RPH3A: variants seen among roughly 807,000 people sequenced by gnomAD.
The protein encoded by RPH3A is rabphilin 3A.
A neutral mutation model predicts 102.2 loss-of-function variants in RPH3A; 48 were observed. That is an observed-to-expected ratio of 0.47 (90% confidence interval 0.37 to 0.60). RPH3A has a LOEUF of 0.60. Among genes scored for constraint, RPH3A ranks in the 20% least tolerant of loss-of-function variants. The probability of loss-of-function intolerance (pLI) is 0.00; values close to 1 mark genes in which losing one functional copy is unlikely to be tolerated. For missense variants in RPH3A, 781 were observed against 910.1 expected (o/e 0.86, Z 1.83); for synonymous variants, 310 against 324.3 (o/e 0.96, Z 0.47).
intron 1 of RPH3A, among the ~76,000 whole-genome samples, chr12:112,657,526 CA>C (rs1473519973): frequency 1.3e-5 from 2 of 152,004 alleles, no homozygotes; most frequent in African/African-American, 2.4e-5. Context: ...TTGATTAGAC[CA>C]ACATCACCGC....
rs1555209147 is a variant in RPH3A, at chr12:112,791,867, G to GGGGAGAGAGAGAGAGAGAGAGAGAGA, written c.-284_-283insGGAGAGAGAGAGAGAGAGAGAGAGAG. 4.3e-4 allele frequency: 21 copies of GGGGAGAGAGAGAGAGAGAGAGAGAGA among 48,506 alleles called. 1 individual carries two copies. The highest frequency in any genetic ancestry group is 1.9e-3 in the African/African-American group (20 of 10,428). 3.0% of individuals were successfully genotyped at this position (48,506 alleles called of 1,614,324 possible). A position where few individuals can be genotyped will look rare whatever the true frequency, so the allele number is the denominator to read the frequency against. On this transcript the variant is annotated 5_prime_UTR_variant, in exon 1 of 22. Transcript: ENST00000389385. ...CGCGGACTGGAAAGGAAGGGAGAAG[G>GGGGAGAGAGAGAGAGAGAGAGAGAGA]GAGAGAGAGAGAGAGAGAGAGAGAG...
chr12:112,673,415 CA>C (rs1006726061), intron 1 of RPH3A, among the ~76,000 whole-genome samples: 4 of 152,074 alleles, frequency 2.6e-5, no homozygotes, highest in African/African-American at 9.7e-5. Context: ...ACTGTAACCT[CA>C]AACTCCTCAG....
intron 4 of RPH3A, among the ~76,000 whole-genome samples, chr12:112,841,424 C>G (rs1176800941): frequency 6.6e-6 from 1 of 152,050 alleles, no homozygotes; most frequent in Non-Finnish European, 1.5e-5. Context: ...GACATCCCTC[C>G]TGGAGTCGGC....
Position 112,896,805 on chromosome 12 carries a change from A to C in RPH3A, c.*25A>C, listed in dbSNP as rs1429963608. Reference sequence around the variant, plus strand: ...GGCTAGTGCCCAGGTCCCCATCTCCATGTCCCGGGTCCCCCCCAGCCTGCT... The same window carrying C: ...GGCTAGTGCCCAGGTCCCCATCTCCCTGTCCCGGGTCCCCCCCAGCCTGCT... On this transcript the variant is annotated 3_prime_UTR_variant, in exon 22 of 22. Transcript: ENST00000389385. The C allele has an allele frequency of 1.9e-6, 3 of 1,612,726 alleles. No homozygotes were observed. In the East Asian group the frequency reaches 6.7e-5, roughly 36 times the overall value.
intron 1 of RPH3A, among the ~76,000 whole-genome samples, chr12:112,709,947 C>T (rs2040448736): frequency 6.6e-6 from 1 of 152,076 alleles, no homozygotes; most frequent in Non-Finnish European, 1.5e-5. Context: ...TTTGTAGCTT[C>T]CCCAGGCCCT....
At chr12:112,636,012 TA>T (rs113676885) in intron 1 of RPH3A, among the ~76,000 whole-genome samples, 27 of 151,686 alleles carry the variant, frequency 1.8e-4, no homozygotes, top group African/African-American at 4.6e-4. Flanking sequence ...AAACATTTAA[TA>T]AAAAAAAATC....
intron 1 of RPH3A, among the ~76,000 whole-genome samples, chr12:112,608,150 C>G (rs1304066060): frequency 6.7e-6 from 1 of 149,202 alleles, no homozygotes; most frequent in Non-Finnish European, 1.5e-5. Flanking sequence ...GAGTTGCGCT[C>G]TGTTTCCCAG....
chr12:112,741,878 C>A (rs1374806271), intron 1 of RPH3A, among the ~76,000 whole-genome samples: 1 of 152,150 alleles, frequency 6.6e-6, no homozygotes. Flanking sequence ...ATGGGGTTAG[C>A]GATTGTGCCT....
Position 112,880,127 on chromosome 12 carries a change from A to G in RPH3A, c.1251+929A>G, listed in dbSNP as rs555002708. Among the ~76,000 whole-genome samples the G allele has an allele frequency of 5.3e-5, 8 of 152,324 alleles. No individual in the cohort carries two copies. In the East Asian group the frequency reaches 1.5e-3, roughly 29 times the overall value. ...CTTAACACAACTCTTAGACCAACAC[A>G]TTCCTTTGCCCAAGTCACTTTTTTA... is the stretch of plus-strand genomic sequence containing the variant. On this transcript the variant is annotated intron_variant, in intron 14 of 21. Coordinates refer to ENST00000389385, the MANE Select transcript of RPH3A (RefSeq NM_001143854.2).
chr12:112,635,731 C>A (rs993026174), intron 1 of RPH3A, among the ~76,000 whole-genome samples: 3 of 152,108 alleles, frequency 2.0e-5, no homozygotes, highest in African/African-American at 7.2e-5. Flanking sequence ...GTAAGGAGGA[C>A]AGAGCTCCAT....
At chr12:112,795,416 T>C (rs1190531887) in intron 2 of RPH3A, among the ~76,000 whole-genome samples, 1 of 152,212 alleles carries the variant, frequency 6.6e-6, no homozygotes, top group East Asian at 1.9e-4. Flanking sequence ...TTTTAAATAA[T>C]TCAGCTGCCA....
chr12:112,688,445 A>G (rs1338650625), intron 1 of RPH3A, among the ~76,000 whole-genome samples: 1 of 152,144 alleles, frequency 6.6e-6, no homozygotes, highest in South Asian at 2.1e-4. Context: ...CGTGAACCTC[A>G]AGGATTGTGA....
chr12:112,857,100 AC>A (rs991332097), intron 5 of RPH3A, among the ~76,000 whole-genome samples: 2 of 152,050 alleles, frequency 1.3e-5, no homozygotes, highest in African/African-American at 4.8e-5. Context: ...TCGGGAGTCT[AC>A]GCTTTCTTGG....
At chr12:112,713,015 TCCTC>T (rs2040484774) in intron 1 of RPH3A, among the ~76,000 whole-genome samples, 3 of 74,498 alleles carry the variant, frequency 4.0e-5, no homozygotes, top group Middle Eastern at 5.6e-3. Flanking sequence ...CTCTTCCTCT[TCCTC>T]TTCCTCTTCT....
In RPH3A at chr12:112,877,359, C is replaced by G. The variant is rs3901139; in HGVS notation, c.1171+493C>G. 6.1e-3 allele frequency among the ~76,000 whole-genome samples: 924 copies of G among 151,810 alleles called. 7 individuals carry two copies. Among genetic ancestry groups the G allele is most frequent in the Non-Finnish European group, 9.0e-3 (611 of 67,956 alleles). On this transcript the variant is annotated intron_variant, in intron 13 of 21. Coordinates refer to ENST00000389385, the MANE Select transcript of RPH3A (RefSeq NM_001143854.2). The stretch of plus-strand genomic sequence containing the variant: ...TCCTTATTGAATGCCTACAATGTAC[C>G]TATCCCACCCAGGCCCCAAGTCCCA...
chr12:112,876,840 C>A lies in RPH3A; in HGVS notation c.1145C>A (p.Ala382Asp), dbSNP rs755170033. The change falls in exon 13 of 22, where the codon GCC (alanine) becomes GAC (aspartate). Residue 382 changes from alanine to aspartate, a missense_variant. This residue lies in a region of RPH3A where 730 missense variants were observed against 810.0 expected (regional missense o/e 0.90). Transcript: ENST00000389385. ...CCCCCAGAGGAGGAGGAAGAGGAAGCCAACAGCTACGATTCGGATGAAGCA... is the reference window on the plus strand; with the variant it reads ...CCCCCAGAGGAGGAGGAAGAGGAAGACAACAGCTACGATTCGGATGAAGCA... The part of the protein sequence containing the change: ...PPPPEEEEEE[A>D]NSYDSDEATT... 1.3e-5 allele frequency: 21 copies of A among 1,605,268 alleles called. No individual in the cohort carries two copies. Among genetic ancestry groups the A allele is most frequent in the Non-Finnish European group, 1.8e-5 (21 of 1,175,156 alleles).
intron 1 of RPH3A, among the ~76,000 whole-genome samples, chr12:112,648,511 G>A (rs1015743410): frequency 1.3e-4 from 18 of 136,676 alleles, no homozygotes; most frequent in African/African-American, 5.0e-4. Flanking sequence ...GAGGTGGGAC[G>A]ATCGCTGAGC....
intron 2 of RPH3A, among the ~76,000 whole-genome samples, chr12:112,819,591 T>C (rs1209639214): frequency 6.6e-6 from 1 of 152,210 alleles, no homozygotes; most frequent in Non-Finnish European, 1.5e-5. Context: ...CACAAAATAG[T>C]GGCTTAGAAC....
Position 112,869,922 on chromosome 12 carries a change from G to A in RPH3A, c.679G>A (p.Gly227Arg), listed in dbSNP as rs1396090284. ...TGACCCAGCCTCTGCTCCCGGGCGAGGAAACTATGGGCCTCCCGTGCGCAG... is the reference window on the plus strand; with the variant it reads ...TGACCCAGCCTCTGCTCCCGGGCGAAGAAACTATGGGCCTCCCGTGCGCAG... ...GPDPASAPGRGNYGPPVRRAS... is the reference protein window; with the variant it reads ...GPDPASAPGRRNYGPPVRRAS... Residue 227 changes from glycine to arginine, a missense_variant, in exon 10 of 22, where the codon GGA becomes AGA. Coordinates refer to ENST00000389385, the MANE Select transcript of RPH3A (RefSeq NM_001143854.2). 3 of 1,613,952 alleles carry A rather than the reference G, an allele frequency of 1.9e-6. No homozygotes were observed. In the Admixed American group the frequency reaches 5.0e-5, roughly 27 times the overall value.
Sources: gnomAD v4.1 joint callset for allele counts (sites outside exome capture counted in the v4.1 genomes callset) on GRCh38, gnomAD v4.1.1 for gene constraint, gnomAD v4.1.1 regional missense constraint, MANE v1.5 for transcripts, NCBI Gene and HGNC (gene_info 2026-07-23, HGNC 2026-07-21) for gene names.